The following TMEM198 variants were observed in gnomAD, a reference collection of about 807,000 sequenced individuals.
The protein encoded by TMEM198 is transmembrane protein 198.
In TMEM198, 21 loss-of-function variants were observed where a neutral mutation model predicts 31.5. That is an observed-to-expected ratio of 0.67 (90% CI 0.47 to 0.96). The LOEUF is 0.96. Among genes scored for constraint, TMEM198 ranks in the 40% least tolerant of loss-of-function variants. The pLI, the probability that TMEM198 is intolerant of heterozygous loss-of-function variation, is 0.00. For synonymous variants in TMEM198, 211 were observed against 223.3 expected, an observed-to-expected ratio of 0.95 and a Z score of 0.49; for missense variants, 447 against 499.4, an observed-to-expected ratio of 0.89 and a Z score of 1.00.
At chr2:219,549,038 T>C (rs1464319102) in intron 3 of TMEM198, 114 bp from the exon 4 acceptor site, 1 of 1,179,886 alleles carries the variant, frequency 8.5e-7, no homozygotes, top group Admixed American at 1.9e-5. Flanking sequence ...AGTAAGGGGT[T>C]ATGGACAAGA....
At position 219,547,588 on chromosome 2, in the gene TMEM198, G is replaced by T; in HGVS notation, c.249G>T (p.Glu83Asp). 1 of 1,468,450 alleles carries T rather than the reference G, an allele frequency of 6.8e-7. No homozygotes were observed. The highest frequency in any genetic ancestry group is 9.0e-7 in the Non-Finnish European group (1 of 1,106,864). 91.0% of individuals were successfully genotyped at this position (1,468,450 alleles called of 1,614,324 possible). ...SVVIFLLCYRERVLETQLSAG... is the reference protein window; with the variant it reads ...SVVIFLLCYRDRVLETQLSAG... ...TCATCTTCCTCCTCTGCTACCGAGA[G>T]CGGGTGCTAGAGACACAGCTGAGTG... is the stretch of plus-strand genomic sequence containing the variant. Residue 83 changes from glutamate (E) to aspartate (D), a missense_variant, in exon 3 of 5, where the codon GAG becomes GAT. Coordinates refer to ENST00000373883, the MANE Select transcript of TMEM198 (RefSeq NM_001005209.3).
chr2:219,546,355 C>G (rs1033093242), intron 2 of TMEM198, among the ~76,000 whole-genome samples: 1 of 152,172 alleles, frequency 6.6e-6, no homozygotes, highest in Non-Finnish European at 1.5e-5. Context: ...AACACTGTTT[C>G]CTTCTCTTTG....
At chr2:219,548,233 G>A (rs1220179259) in intron 3 of TMEM198, 152 bp downstream of exon 3, 1 of 727,276 alleles carries the variant, frequency 1.4e-6, no homozygotes, top group Non-Finnish European at 2.2e-6. Flanking sequence ...TAGCACCCAG[G>A]TGCCATCATT....
rs1479086648 is a variant in TMEM198 at position 219,544,740 on chromosome 2, G to T, written c.13G>T (p.Val5Leu). The T allele has an allele frequency of 6.2e-7, 1 of 1,613,916 alleles. No individual in the cohort carries two copies. Among genetic ancestry groups the T allele is most frequent in the South Asian group, 1.1e-5 (1 of 91,074 alleles). ...TATTCCCAGCACTATGCCGGGGACT[G>T]TGGCAACACTGCGGTTCCAGCTGCT... MPGT[V>L]ATLRFQLLPP... The change falls in exon 2 of 5, where the codon GTG (valine) becomes TTG (leucine). Residue 5 changes from valine (V) to leucine (L), a missense_variant. Transcript: ENST00000373883.
chr2:219,549,653 G>A, intron 4 of TMEM198, 64 bp from the exon 5 acceptor site: 1 of 1,594,726 alleles, frequency 6.3e-7, no homozygotes, highest in Non-Finnish European at 8.6e-7. Context: ...GGGAATTCAG[G>A]AAGAGGTGGC....
chr2:219,549,256 A>C lies in TMEM198; in HGVS notation c.847A>C (p.Arg283=), dbSNP rs776702178. Residue 283 remains arginine, a synonymous_variant, in exon 4 of 5, where the codon AGA becomes CGA. Coordinates refer to ENST00000373883, the MANE Select transcript of TMEM198 (RefSeq NM_001005209.3). The part of the protein sequence containing the change: ...RKKRPPRAPL[R]GPRAPPRPGP... ...AAAGAGACCTCCTCGGGCTCCCCTC[A>C]GAGGTCCCCGGGCTCCTCCCAGGCC... The C allele has an allele frequency of 6.2e-7, 1 of 1,613,998 alleles. No individual in the cohort carries two copies. The highest frequency in any genetic ancestry group is 8.5e-7 in the Non-Finnish European group (1 of 1,180,042).
Position 219,549,924 on chromosome 2 carries a change from T to G in TMEM198, c.*70T>G, listed in dbSNP as rs1251389944. 3.2e-6 allele frequency: 5 copies of G among 1,567,998 alleles called. No homozygotes were observed. In the Admixed American group the frequency reaches 8.7e-5, roughly 27 times the overall value. On this transcript the variant is annotated 3_prime_UTR_variant, in exon 5 of 5. Coordinates refer to ENST00000373883, the MANE Select transcript of TMEM198 (RefSeq NM_001005209.3). ...TCGAGGAGGCCTGCTAGGCTGCCAC[T>G]CAGCCTCCTGGCTTTGGCTGTCCCT...
chr2:219,545,596 T>C (rs1250533108), intron 2 of TMEM198, among the ~76,000 whole-genome samples: 2 of 152,126 alleles, frequency 1.3e-5, no homozygotes, highest in African/African-American at 4.8e-5. Context: ...CTAATATGCA[T>C]AAAGGTGCCA....
intron 2 of TMEM198, among the ~76,000 whole-genome samples, chr2:219,546,044 T>C (rs1695381623): frequency 6.6e-6 from 1 of 152,074 alleles, no homozygotes; most frequent in African/African-American, 2.4e-5. Context: ...ATATTCCCTC[T>C]CCTGGGCTTC....
chr2:219,549,030 T>G, intron 3 of TMEM198, 122 bp from the exon 4 acceptor site: 1 of 1,043,438 alleles, frequency 9.6e-7, no homozygotes, highest in Non-Finnish European at 1.4e-6. Context: ...AGGGTGGGAG[T>G]AAGGGGTTAT....
At position 219,550,379 on chromosome 2, in the gene TMEM198, C is replaced by A. The variant is rs1695537294; in HGVS notation, c.*525C>A. The A allele has an allele frequency of 5.0e-6, 1 of 200,292 alleles. No individual in the cohort carries two copies. Among genetic ancestry groups the A allele is most frequent in the Non-Finnish European group, 1.0e-5 (1 of 97,830 alleles). The allele number at this position is 200,292 out of a possible 1,614,324, so 12.4% of individuals were successfully genotyped here. ...ATCCCTCACCCTGGTCCCCTGGCCTCTGTAAAGCCACCAGCCTGAGGGCAG... is the reference window on the plus strand; with the variant it reads ...ATCCCTCACCCTGGTCCCCTGGCCTATGTAAAGCCACCAGCCTGAGGGCAG... On this transcript the variant is annotated 3_prime_UTR_variant, in exon 5 of 5. Transcript: ENST00000373883.
chr2:219,548,956 T>G, intron 3 of TMEM198, 196 bp from the exon 4 acceptor site: 2 of 608,032 alleles, frequency 3.3e-6, no homozygotes, highest in Non-Finnish European at 5.8e-6. Flanking sequence ...TAAAGACCTA[T>G]GGAAGAAAAG....
chr2:219,546,573 C>G (rs190816828), intron 2 of TMEM198, among the ~76,000 whole-genome samples: 14 of 152,292 alleles, frequency 9.2e-5, no homozygotes, highest in Non-Finnish European at 1.5e-4. Flanking sequence ...GTGTTCCTCT[C>G]TCTTGGAAAT....
At chr2:219,545,827 C>T (rs190942407) in intron 2 of TMEM198, among the ~76,000 whole-genome samples, 24 of 152,180 alleles carry the variant, frequency 1.6e-4, no homozygotes, top group African/African-American at 4.6e-4. Context: ...GCAGCCTCCC[C>T]CTGCAATGGG....
In TMEM198 at chr2:219,550,510, T is replaced by G; in HGVS notation, c.*656T>G. On this transcript the variant is annotated 3_prime_UTR_variant, in exon 5 of 5. Coordinates refer to ENST00000373883, the MANE Select transcript of TMEM198 (RefSeq NM_001005209.3). ...ATGTCTGGTGTCTGTCATGCCAACC[T>G]AGACACCTCATGCTTCTGTCTCCCC... The G allele has an allele frequency of 2.6e-6, 1 of 385,840 alleles. No individual in the cohort carries two copies. 23.9% of individuals were successfully genotyped at this position (385,840 alleles called of 1,614,324 possible). A position where few individuals can be genotyped will look rare whatever the true frequency, so the allele number is the denominator to read the frequency against.
At chr2:219,543,663 C>G (rs369129921), upstream of TMEM198, 266 of 652,302 alleles carry the variant, frequency 4.1e-4, 5 homozygotes, top group South Asian at 0.011. Context: ...GGCCCGCTCC[C>G]TCCCCGCAGA....
At chr2:219,545,409 T>C (rs1290845303) in intron 2 of TMEM198, among the ~76,000 whole-genome samples, 4 of 152,152 alleles carry the variant, frequency 2.6e-5, no homozygotes, top group African/African-American at 9.7e-5. Context: ...CACACATCCA[T>C]CCAGCCTACA....
Position 219,544,319 on chromosome 2 carries a change from GC to G in TMEM198, c.-94del. 2.1e-6 allele frequency: 1 copy of G among 473,024 alleles called. No homozygotes were observed. 29.3% of individuals were successfully genotyped at this position (473,024 alleles called of 1,614,324 possible). On this transcript the variant is annotated 5_prime_UTR_variant, in exon 1 of 5. The change abolishes the stop of an existing upstream ORF in the 5' untranslated region. Coordinates refer to ENST00000373883, the MANE Select transcript of TMEM198 (RefSeq NM_001005209.3). The stretch of plus-strand genomic sequence containing the variant: ...GAGCCTCTGGCGCCCCGCAACCCCG[GC>G]CCCTCGGGCCTCTGCACAGCCTCTT...
In TMEM198 at chr2:219,547,969, GC is replaced by G; in HGVS notation, c.635del (p.Pro212HisfsTer18). The G allele has an allele frequency of 2.5e-6, 4 of 1,588,510 alleles. No individual in the cohort carries two copies. The highest frequency in any genetic ancestry group is 1.7e-5 in the Admixed American group (1 of 57,666). ...TGGAGCGACTCCGGGCTGCTCCTGT[GC>G]CCCCACTCTGCTGGCGAAGCTGGGC... is the stretch of plus-strand genomic sequence containing the variant. ...VVERLRAAPV[P>X]PLCWRSWALL... On this transcript the variant is annotated frameshift_variant, in exon 3 of 5. Transcript: ENST00000373883. LOFTEE classifies it high-confidence loss of function.
Sources: gnomAD v4.1 joint callset for allele counts (sites outside exome capture counted in the v4.1 genomes callset) on GRCh38, gnomAD v4.1.1 for gene constraint, MANE v1.5 for transcripts, NCBI Gene and HGNC (gene_info 2026-07-23, HGNC 2026-07-21) for gene names.